Variants in CCDC172 observed in about 807,000 individuals in gnomAD.
The protein encoded by CCDC172 is coiled-coil domain containing 172, also known as coiled-coil domain-containing protein 172.
In CCDC172, 30 loss-of-function variants were observed where a neutral mutation model predicts 38.0. The observed-to-expected ratio is 0.79, with a 90% CI of 0.59 to 1.07. The LOEUF is 1.07. CCDC172 is among the 50% of genes least tolerant of loss of function. CCDC172 has a pLI of 0.00. For synonymous variants in CCDC172, 78 were observed against 88.3 expected (o/e 0.88, Z 0.66); for missense variants, 297 against 290.1 (o/e 1.02, Z -0.17).
chr10:116,359,658 A>G (rs546814584), intron 7 of CCDC172, among the ~76,000 whole-genome samples: 1 of 152,316 alleles, frequency 6.6e-6, no homozygotes, highest in South Asian at 2.1e-4. Context: ...AGTCCCCCCA[A>G]GTTGAGAACC....
intron 7 of CCDC172, among the ~76,000 whole-genome samples, chr10:116,372,532 G>T (rs1391631053): frequency 2.0e-5 from 3 of 151,992 alleles, no homozygotes; most frequent in Non-Finnish European, 2.9e-5. Flanking sequence ...TCGTACAAAT[G>T]GAATAATATG....
Position 116,378,507 on chromosome 10 carries a change from GT to G in CCDC172, c.740del (p.Leu247Ter). ...TCCAAACAGAAATAGAATTTTTGGAGTTGGTAAGTTATCATTGATTGTTTAA... is the reference window on the plus strand; with the variant it reads ...TCCAAACAGAAATAGAATTTTTGGAGTGGTAAGTTATCATTGATTGTTTAA... ...ALQTEIEFLE[L>X]TLAQKDLQES... is the part of the protein sequence containing the mutation. On this transcript the variant is annotated frameshift_variant and splice_region_variant, in exon 8 of 9. Transcript: ENST00000333254. LOFTEE classifies it high-confidence loss of function. 2.5e-6 allele frequency: 4 copies of G among 1,601,314 alleles called. No homozygotes were observed. Among genetic ancestry groups the G allele is most frequent in the Non-Finnish European group, 3.4e-6 (4 of 1,173,760 alleles).
chr10:116,369,175 G>A (rs537900406), intron 7 of CCDC172, among the ~76,000 whole-genome samples: 1 of 151,868 alleles, frequency 6.6e-6, no homozygotes, highest in South Asian at 2.1e-4. Context: ...TTCCATTTGT[G>A]TTTAACTCAA....
intron 5 of CCDC172, among the ~76,000 whole-genome samples, chr10:116,353,430 TC>T (rs1412719360): frequency 6.6e-6 from 1 of 152,126 alleles, no homozygotes; most frequent in Non-Finnish European, 1.5e-5. Flanking sequence ...AAGGATACTA[TC>T]AAGGAAGTGA....
At chr10:116,375,864 A>T (rs2134973764) in intron 7 of CCDC172, among the ~76,000 whole-genome samples, 1 of 152,312 alleles carries the variant, frequency 6.6e-6, no homozygotes, top group African/African-American at 2.4e-5. Context: ...GATCATTAAA[A>T]AGTCAGGAAA....
At chr10:116,358,781 G>A (rs1337649327) in intron 7 of CCDC172, among the ~76,000 whole-genome samples, 1 of 152,080 alleles carries the variant, frequency 6.6e-6, no homozygotes, top group Non-Finnish European at 1.5e-5. Context: ...TATGTATGAT[G>A]CAGAATGAGT....
At chr10:116,374,670 G>A (rs968162532) in intron 7 of CCDC172, among the ~76,000 whole-genome samples, 2 of 151,732 alleles carry the variant, frequency 1.3e-5, no homozygotes, top group African/African-American at 4.8e-5. Context: ...CCAAAAGCAG[G>A]TAGAAAGAGA....
At chr10:116,342,294 CA>C (rs1844805944) in intron 5 of CCDC172, 93 bp downstream of exon 5, 6 of 1,057,102 alleles carry the variant, frequency 5.7e-6, no homozygotes, top group Non-Finnish European at 8.1e-6. Context: ...TTTTCATGAG[CA>C]AATTGGGTTA....
intron 5 of CCDC172, among the ~76,000 whole-genome samples, chr10:116,357,038 C>T (rs564552728): frequency 2.7e-4 from 41 of 152,170 alleles, no homozygotes; most frequent in African/African-American, 7.5e-4. Flanking sequence ...TAATTGCTGA[C>T]GTAAGGCAAA....
intron 5 of CCDC172, among the ~76,000 whole-genome samples, chr10:116,347,254 A>AAGATGGGCTT (rs1844878920): frequency 6.6e-6 from 1 of 152,174 alleles, no homozygotes; most frequent in African/African-American, 2.4e-5. Context: ...GATGGGCAGA[A>AAGATGGGCTT]CACGTTACTG....
At chr10:116,364,106 T>G (rs751700672) in intron 7 of CCDC172, among the ~76,000 whole-genome samples, 12 of 152,284 alleles carry the variant, frequency 7.9e-5, no homozygotes, top group Middle Eastern at 3.4e-3. Context: ...AATTAGTGGT[T>G]CTTTATCCAT....
chr10:116,344,738 A>G lies in CCDC172; in HGVS notation c.448+2537A>G, dbSNP rs189486835. Among the ~76,000 whole-genome samples, 358 of 152,148 alleles carry G rather than the reference A, an allele frequency of 2.4e-3. 1 individual carries two copies. The highest frequency in any genetic ancestry group is 4.5e-3 in the Non-Finnish European group (306 of 67,972). Reference sequence around the variant, plus strand: ...TTTTTTACTTTATAAACCTTTTATTATTTTTGACTCTTCTAATAACACTTA... The same window carrying G: ...TTTTTTACTTTATAAACCTTTTATTGTTTTTGACTCTTCTAATAACACTTA... On this transcript the variant is annotated intron_variant, in intron 5 of 8. Coordinates refer to ENST00000333254, the MANE Select transcript of CCDC172 (RefSeq NM_198515.3).
chr10:116,346,475 C>A (rs774536749), intron 5 of CCDC172, among the ~76,000 whole-genome samples: 123 of 152,064 alleles, frequency 8.1e-4, no homozygotes, highest in Middle Eastern at 6.8e-3. Flanking sequence ...GCAAGCAGAT[C>A]AATGGTTGCC....
At chr10:116,331,305 A>C (rs1281947016) in intron 3 of CCDC172, among the ~76,000 whole-genome samples, 1 of 152,172 alleles carries the variant, frequency 6.6e-6, no homozygotes, top group African/African-American at 2.4e-5. Context: ...AAGAGGTCAA[A>C]AGACCCAAAA....
rs189442073 is a variant in CCDC172 at position 116,325,475 on chromosome 10, T to A, written c.165+87T>A. ...GGGGATATTTCAGTGTTTAACCAGT[T>A]GTCCTTCAAGTAGGAAGCACGTTAC... is the stretch of plus-strand genomic sequence containing the variant. On this transcript the variant is annotated intron_variant, in intron 3 of 8. Transcript: ENST00000333254. The A allele has an allele frequency of 1.7e-4, 179 of 1,029,080 alleles. No homozygotes were observed. In the East Asian group the frequency reaches 3.5e-3, roughly 20 times the overall value. 63.7% of individuals were successfully genotyped at this position (1,029,080 alleles called of 1,614,324 possible).
At chr10:116,372,143 CTG>C (rs1845192602) in intron 7 of CCDC172, among the ~76,000 whole-genome samples, 1 of 152,100 alleles carries the variant, frequency 6.6e-6, no homozygotes, top group Admixed American at 6.6e-5. Flanking sequence ...GCAAAATCCT[CTG>C]TTTCCTTCTT....
At chr10:116,338,743 C>T (rs1217736168) in intron 3 of CCDC172, among the ~76,000 whole-genome samples, 4 of 152,044 alleles carry the variant, frequency 2.6e-5, no homozygotes, top group African/African-American at 9.7e-5. Context: ...ACCTTAATTT[C>T]TGAGTCCTTA....
chr10:116,348,166 G>C (rs893655453), intron 5 of CCDC172, among the ~76,000 whole-genome samples: 1 of 151,564 alleles, frequency 6.6e-6, no homozygotes, highest in African/African-American at 2.4e-5. Flanking sequence ...CCTATGAAAC[G>C]GTTTGTGGCA....
chr10:116,344,847 A>AT (rs767723522), intron 5 of CCDC172, among the ~76,000 whole-genome samples: 1 of 145,592 alleles, frequency 6.9e-6, no homozygotes, highest in Admixed American at 7.0e-5. Context: ...CTTAGAAATT[A>AT]TTTTTTTACT....
Sources: gnomAD v4.1 joint callset for allele counts (sites outside exome capture counted in the v4.1 genomes callset) on GRCh38, gnomAD v4.1.1 for gene constraint, MANE v1.5 for transcripts, NCBI Gene and HGNC (gene_info 2026-07-23, HGNC 2026-07-21) for gene names.